DOCK7: variants seen among roughly 807,000 people sequenced by gnomAD.
DOCK7 encodes the protein dedicator of cytokinesis protein 7.
A neutral mutation model predicts 271.0 loss-of-function variants in DOCK7; 138 were observed. That is an observed-to-expected ratio of 0.51 (90% CI 0.44 to 0.59). The LOEUF is 0.59. Among genes scored for constraint, DOCK7 ranks in the 20% least tolerant of loss-of-function variants. The probability of loss-of-function intolerance (pLI) is 0.00; values close to 1 mark genes in which losing one functional copy is unlikely to be tolerated. For missense variants in DOCK7, 2,066 were observed against 2,592.4 expected (o/e 0.80, Z 4.41); for synonymous variants, 823 against 876.1 (o/e 0.94, Z 1.07).
At chr1:62,599,538 T>C (rs1043413808) in intron 14 of DOCK7, among the ~76,000 whole-genome samples, 2 of 152,072 alleles carry the variant, frequency 1.3e-5, no homozygotes, top group African/African-American at 4.8e-5. Context: ...ACATAAATTT[T>C]AGTTATTTAT....
chr1:62,476,095 A>G lies in DOCK7; in HGVS notation c.5696T>C (p.Val1899Ala). The change falls in exon 45 of 50, where the codon GTA becomes GCA. Residue 1899 changes from valine to alanine, a missense_variant. By Grantham distance (64) the Val-to-Ala change is moderately conservative. Coordinates refer to ENST00000635253, the MANE Select transcript of DOCK7 (RefSeq NM_001367561.1). ...GTTAGGATCTAATTTACACTTGTCTACAGGATTAGAGTCTTTGATTACTTC... is the reference window on the plus strand; with the variant it reads ...GTTAGGATCTAATTTACACTTGTCTGCAGGATTAGAGTCTTTGATTACTTC... Reference protein sequence around the residue: ...VVEVIKDSNPVDKCKLDPNKA... With the variant: ...VVEVIKDSNPADKCKLDPNKA... The G allele has an allele frequency of 6.2e-7, 1 of 1,613,318 alleles. No homozygotes were observed. The highest frequency in any genetic ancestry group is 8.5e-7 in the Non-Finnish European group (1 of 1,179,556).
chr1:62,574,803 A>T (rs1426512775), intron 18 of DOCK7, among the ~76,000 whole-genome samples: 1 of 152,104 alleles, frequency 6.6e-6, no homozygotes, highest in Non-Finnish European at 1.5e-5. Context: ...ATCTCGGCTT[A>T]CTGTCAACCT....
At chr1:62,601,265 C>CTTAACTATCTTT in intron 14 of DOCK7, 2 of 1,083,736 alleles carry the variant, frequency 1.8e-6, no homozygotes, top group Non-Finnish European at 2.8e-6. Flanking sequence ...AGGACTTGTT[C>CTTAACTATCTTT]TAGACTAAAA....
chr1:62,526,221 G>A (rs2149365897), intron 31 of DOCK7, among the ~76,000 whole-genome samples: 1 of 152,292 alleles, frequency 6.6e-6, no homozygotes, highest in South Asian at 2.1e-4. Flanking sequence ...AATTACAGGT[G>A]TGTGCCACTG....
intron 22 of DOCK7, among the ~76,000 whole-genome samples, 177 bp from the exon 23 acceptor site, chr1:62,545,216 A>G (rs1343586206): frequency 1.3e-5 from 2 of 152,310 alleles, no homozygotes; most frequent in Admixed American, 1.3e-4. Flanking sequence ...TTATCTTATT[A>G]TATAACACAA....
chr1:62,635,003 C>T (rs955832040), intron 8 of DOCK7, 81 bp from the exon 9 acceptor site: 39 of 889,394 alleles, frequency 4.4e-5, no homozygotes, highest in Non-Finnish European at 5.0e-5. Context: ...GCTTCTGCTA[C>T]TTACTTTTAG....
chr1:62,473,380 T>G (rs1645884562), intron 48 of DOCK7, among the ~76,000 whole-genome samples: 1 of 152,060 alleles, frequency 6.6e-6, no homozygotes, highest in Non-Finnish European at 1.5e-5. Flanking sequence ...CAACAAATAG[T>G]AGCTTTTAAA....
intron 22 of DOCK7, among the ~76,000 whole-genome samples, chr1:62,552,246 G>T (rs1202892997): frequency 6.6e-6 from 1 of 152,052 alleles, no homozygotes; most frequent in African/African-American, 2.4e-5. Flanking sequence ...TCTTTTCGCA[G>T]CTGCCATAGT....
intron 14 of DOCK7, chr1:62,602,263 T>A: frequency 6.4e-7 from 1 of 1,562,520 alleles, no homozygotes; most frequent in Non-Finnish European, 8.8e-7. Context: ...TAAAAATACA[T>A]GATTTCATTC....
At chr1:62,555,762 C>A (rs1646120144) in intron 21 of DOCK7, 63 bp downstream of exon 21, 2 of 1,529,134 alleles carry the variant, frequency 1.3e-6, no homozygotes, top group Non-Finnish European at 1.8e-6. Context: ...ACAAAATTAT[C>A]TCAATACTGA....
At chr1:62,513,103 T>G (rs1644537146) in intron 33 of DOCK7, among the ~76,000 whole-genome samples, 1 of 151,892 alleles carries the variant, frequency 6.6e-6, no homozygotes, top group Non-Finnish European at 1.5e-5. Context: ...TTTGCTCACT[T>G]TTGCTGTGAA....
At position 62,578,821 on chromosome 1, in the gene DOCK7, G is replaced by A; in HGVS notation, c.2010+7C>T. 5 of 1,580,206 alleles carry A rather than the reference G, an allele frequency of 3.2e-6. No individual in the cohort carries two copies. The highest frequency in any genetic ancestry group is 4.3e-6 in the Non-Finnish European group (5 of 1,168,022). Reference sequence around the variant, plus strand: ...TTTGATCTAAATATTGAACCAAAAGGACTCACTGTATATCCAACTGGTGTT... The same window carrying A: ...TTTGATCTAAATATTGAACCAAAAGAACTCACTGTATATCCAACTGGTGTT... On this transcript the variant is annotated splice_region_variant and intron_variant, in intron 17 of 49. Transcript: ENST00000635253.
At chr1:62,519,486 CA>C (rs1383962740) in intron 31 of DOCK7, among the ~76,000 whole-genome samples, 2 of 151,960 alleles carry the variant, frequency 1.3e-5, no homozygotes, top group Non-Finnish European at 2.9e-5. Context: ...AAATTTAAGA[CA>C]AAAACAACTT....
chr1:62,483,174 A>ATTTTTTTTTTTTTTTTTTTTTTTTT (rs57648164), intron 43 of DOCK7: 3 of 70,184 alleles, frequency 4.3e-5, no homozygotes, highest in Admixed American at 1.8e-4. Context: ...TGCCCAGCTA[A>ATTTTTTTTTTTTTTTTTTTTTTTTT]TTTTTTTTTT....
intron 28 of DOCK7, among the ~76,000 whole-genome samples, chr1:62,536,667 G>C (rs1645354580): frequency 6.6e-6 from 1 of 152,026 alleles, no homozygotes; most frequent in African/African-American, 2.4e-5. Context: ...TTTAAATTTT[G>C]TTTTTTAAAT....
At chr1:62,529,494 A>G (rs373260125) in intron 29 of DOCK7, 48 bp from the exon 30 acceptor site, 12 of 1,437,694 alleles carry the variant, frequency 8.3e-6, no homozygotes, top group Non-Finnish European at 9.4e-6. Flanking sequence ...AAGGCCACAG[A>G]GATTAGCTAA....
chr1:62,683,224 A>C (rs1236567146), intron 1 of DOCK7, among the ~76,000 whole-genome samples: 4 of 152,240 alleles, frequency 2.6e-5, no homozygotes, highest in African/African-American at 4.8e-5. Flanking sequence ...GATATTCAGC[A>C]TTAAGAATTA....
intron 48 of DOCK7, among the ~76,000 whole-genome samples, chr1:62,472,706 G>A (rs1032990629): frequency 2.0e-5 from 3 of 152,108 alleles, no homozygotes; most frequent in African/African-American, 7.2e-5. Flanking sequence ...TAAAATTAAT[G>A]CCAGAAATCA....
chr1:62,511,874 AAAGTT>A (rs1480489508), intron 33 of DOCK7, among the ~76,000 whole-genome samples: 1 of 152,080 alleles, frequency 6.6e-6, no homozygotes, highest in African/African-American at 2.4e-5. Context: ...CTTAGAACTG[AAAGTT>A]AAGAAAAAGA....
Sources: gnomAD v4.1 joint callset for allele counts (sites outside exome capture counted in the v4.1 genomes callset) on GRCh38, gnomAD v4.1.1 for gene constraint, MANE v1.5 for transcripts, NCBI Gene and HGNC (gene_info 2026-07-23, HGNC 2026-07-21) for gene names.